Variants in COL25A1 observed in about 807,000 individuals in gnomAD.
COL25A1 encodes the protein collagen type XXV alpha 1 chain, also known as collagen alpha-1(XXV) chain.
Under a neutral mutation model 128.4 loss-of-function variants are expected in COL25A1, and 103 were observed. The ratio of observed to expected loss-of-function variants is 0.80; its 90% CI spans 0.68 to 0.94. The LOEUF (loss-of-function observed/expected upper bound fraction) is 0.94. Ranked by LOEUF, COL25A1 falls within the 40% of genes least tolerant of loss-of-function variation. COL25A1 has a pLI of 0.00. For synonymous variants in COL25A1, 279 were observed against 277.2 expected (o/e 1.01, Z -0.06); for missense variants, 745 against 840.0 (o/e 0.89, Z 1.40).
intron 3 of COL25A1, among the ~76,000 whole-genome samples, chr4:109,221,242 C>T (rs887669221): frequency 2.0e-5 from 3 of 152,070 alleles, no homozygotes; most frequent in Admixed American, 6.6e-5. Flanking sequence ...CCCTATATTA[C>T]TCTTTGTATA....
At chr4:109,231,973 A>T (rs2126221404) in intron 3 of COL25A1, among the ~76,000 whole-genome samples, 1 of 152,302 alleles carries the variant, frequency 6.6e-6, no homozygotes, top group East Asian at 1.9e-4. Context: ...TCAACATACG[A>T]TAGTTCTTTG....
intron 8 of COL25A1, among the ~76,000 whole-genome samples, chr4:108,965,670 T>C (rs78931069): frequency 0.011 from 1,657 of 152,256 alleles, 15 homozygotes; most frequent in Middle Eastern, 0.034. Flanking sequence ...CAGAGGCTCT[T>C]ATGAACTGGG....
chr4:109,135,403 T>C (rs1203746450), intron 3 of COL25A1, among the ~76,000 whole-genome samples: 1 of 152,214 alleles, frequency 6.6e-6, no homozygotes, highest in Non-Finnish European at 1.5e-5. Flanking sequence ...CACAGTCACA[T>C]AAATTTACCC....
intron 19 of COL25A1, among the ~76,000 whole-genome samples, chr4:108,873,522 C>CTAGTGGTAGTAG (rs1553957329): frequency 1.4e-5 from 2 of 147,210 alleles, no homozygotes; most frequent in Non-Finnish European, 1.5e-5. Context: ...TGTTAGCTGT[C>CTAGTGGTAGTAG]TAGTAGTAGT....
chr4:109,020,676 A>G (rs1489621480), intron 5 of COL25A1, among the ~76,000 whole-genome samples: 3 of 152,170 alleles, frequency 2.0e-5, no homozygotes, highest in Non-Finnish European at 4.4e-5. Context: ...ACACAATACC[A>G]TATTTATTTT....
At chr4:109,019,547 C>T (rs916086928) in intron 5 of COL25A1, among the ~76,000 whole-genome samples, 5 of 151,906 alleles carry the variant, frequency 3.3e-5, no homozygotes, top group East Asian at 3.9e-4. Context: ...GGGAAGCAGG[C>T]ACGTCTTACA....
At chr4:109,089,811 G>C (rs1270373742) in intron 3 of COL25A1, among the ~76,000 whole-genome samples, 2 of 152,002 alleles carry the variant, frequency 1.3e-5, no homozygotes, top group African/African-American at 4.8e-5. Context: ...TTGCCATGCT[G>C]CCCAGATTTG....
At chr4:109,192,844 ACT>A (rs202163262) in intron 3 of COL25A1, among the ~76,000 whole-genome samples, 3,489 of 151,322 alleles carry the variant, frequency 0.023, 117 homozygotes, top group African/African-American at 0.072. Context: ...ACAGAGCGAG[ACT>A]CTGTCTCAAA....
intron 3 of COL25A1, among the ~76,000 whole-genome samples, chr4:109,141,394 CTTTT>C (rs1426451549): frequency 1.5e-3 from 235 of 152,230 alleles, no homozygotes; most frequent in African/African-American, 5.3e-3. Context: ...CAGAAATTTC[CTTTT>C]TTTGTGTGTG....
chr4:109,095,427 T>C (rs989864172), intron 3 of COL25A1, among the ~76,000 whole-genome samples: 1 of 152,236 alleles, frequency 6.6e-6, no homozygotes, highest in Non-Finnish European at 1.5e-5. Context: ...TCCATTATTT[T>C]TCACTGGAAG....
At chr4:108,913,363 G>C (rs191681752) in intron 13 of COL25A1, among the ~76,000 whole-genome samples, 1 of 145,532 alleles carries the variant, frequency 6.9e-6, no homozygotes, top group African/African-American at 2.5e-5. Context: ...CGCCTCCAGG[G>C]TTCTCCTACC....
intron 3 of COL25A1, among the ~76,000 whole-genome samples, chr4:109,129,803 G>A (rs978984222): frequency 1.3e-5 from 2 of 152,002 alleles, no homozygotes; most frequent in Admixed American, 6.6e-5. Context: ...TATAGATTTG[G>A]CCAAGTTTAA....
At chr4:109,197,012 T>C (rs1776095995) in intron 3 of COL25A1, among the ~76,000 whole-genome samples, 1 of 151,840 alleles carries the variant, frequency 6.6e-6, no homozygotes. Context: ...TGTTCAACAG[T>C]AAATATGTAA....
chr4:109,229,146 T>C (rs1778997331), intron 3 of COL25A1, among the ~76,000 whole-genome samples: 1 of 150,024 alleles, frequency 6.7e-6, no homozygotes, highest in South Asian at 2.1e-4. Context: ...GGGGTACCCC[T>C]CTCCCCTAAA....
At chr4:109,061,243 T>C (rs1375885486) in intron 3 of COL25A1, among the ~76,000 whole-genome samples, 3 of 152,220 alleles carry the variant, frequency 2.0e-5, no homozygotes, top group Non-Finnish European at 2.9e-5. Flanking sequence ...TCCTTTGCCA[T>C]GTATTTGGCT....
chr4:109,276,478 TTAA>T (rs1722859080), intron 3 of COL25A1, among the ~76,000 whole-genome samples: 1 of 152,142 alleles, frequency 6.6e-6, no homozygotes, highest in African/African-American at 2.4e-5. Flanking sequence ...TAGTAGGTGC[TTAA>T]TAACTATTTA....
chr4:109,291,980 T>C (rs2126285601), intron 3 of COL25A1, among the ~76,000 whole-genome samples: 1 of 152,254 alleles, frequency 6.6e-6, no homozygotes, highest in East Asian at 1.9e-4. Flanking sequence ...TACATAATTT[T>C]ACTACCATCA....
At position 108,874,846 on chromosome 4, in the gene COL25A1, G is replaced by A. The variant is rs1288599931; in HGVS notation, c.1021-5696C>T. ...ATAGCATAAGAATAAGTTGGGTAGAGCACCAATTATTTCAGAGTTACTTTA... is the reference window on the plus strand; with the variant it reads ...ATAGCATAAGAATAAGTTGGGTAGAACACCAATTATTTCAGAGTTACTTTA... On this transcript the variant is annotated intron_variant, in intron 19 of 37. Coordinates refer to ENST00000399132, the MANE Select transcript of COL25A1 (RefSeq NM_198721.4). Among the ~76,000 whole-genome samples, 3 of 152,184 alleles carry A rather than the reference G, an allele frequency of 2.0e-5. No homozygotes were observed. In the East Asian group the frequency reaches 5.8e-4, roughly 29 times the overall value.
At chr4:109,001,374 G>C (rs566112945) in intron 6 of COL25A1, among the ~76,000 whole-genome samples, 12 of 152,308 alleles carry the variant, frequency 7.9e-5, no homozygotes, top group African/African-American at 2.9e-4. Flanking sequence ...AAAAGAAACA[G>C]GCATCTGAGA....
Sources: gnomAD v4.1 joint callset for allele counts (sites outside exome capture counted in the v4.1 genomes callset) on GRCh38, gnomAD v4.1.1 for gene constraint, MANE v1.5 for transcripts, NCBI Gene and HGNC (gene_info 2026-07-23, HGNC 2026-07-21) for gene names.